ARID1A: variants seen among roughly 807,000 people sequenced by gnomAD.
ARID1A encodes AT-rich interactive domain-containing protein 1A.
A neutral mutation model predicts 212.6 loss-of-function variants in ARID1A; 20 were observed. The ratio of observed to expected loss-of-function variants is 0.09; its 90% CI spans 0.07 to 0.14. ARID1A has a LOEUF of 0.14. ARID1A is among the 10% of genes least tolerant of loss of function. The probability of loss-of-function intolerance (pLI) is 1.00; values close to 1 mark genes in which losing one functional copy is unlikely to be tolerated. For missense variants in ARID1A, 2,587 were observed against 3,059.0 expected (o/e 0.85, Z 3.64); for synonymous variants, 1,376 against 1,222.1 (o/e 1.13, Z -2.63).
intron 1 of ARID1A, among the ~76,000 whole-genome samples, chr1:26,698,400 C>T (rs1244772305): frequency 6.6e-6 from 1 of 152,202 alleles, no homozygotes; most frequent in South Asian, 2.1e-4. Context: ...ATAACCCAAA[C>T]TATCGCTGCC....
intron 8 of ARID1A, 23 bp downstream of exon 8, chr1:26,763,308 G>T (rs2124070918): frequency 6.4e-7 from 1 of 1,564,460 alleles, no homozygotes; most frequent in South Asian, 1.2e-5. Flanking sequence ...AAGCAGAGAG[G>T]GTGTCAGTGC....
chr1:26,722,343 T>C (rs1478478393), intron 1 of ARID1A, among the ~76,000 whole-genome samples: 1 of 152,118 alleles, frequency 6.6e-6, no homozygotes, highest in Non-Finnish European at 1.5e-5. Flanking sequence ...CCTCCCAGGT[T>C]CAAGCGATTC....
intron 4 of ARID1A, among the ~76,000 whole-genome samples, chr1:26,757,581 G>A (rs745751615): frequency 3.3e-5 from 5 of 152,136 alleles, no homozygotes; most frequent in South Asian, 2.1e-4. Context: ...CTTTGGTGTC[G>A]GAGACTTTGG....
intron 4 of ARID1A, among the ~76,000 whole-genome samples, chr1:26,749,433 A>G (rs1194626348): frequency 1.3e-5 from 2 of 152,118 alleles, no homozygotes; most frequent in African/African-American, 4.8e-5. Flanking sequence ...ACTCGATGTG[A>G]TTAAACCTCC....
Position 26,696,794 on chromosome 1 carries a change from G to T in ARID1A, c.391G>T (p.Gly131Trp), listed in dbSNP as rs1271721560. The T allele has an allele frequency of 7.5e-7, 1 of 1,335,874 alleles. No individual in the cohort carries two copies. The highest frequency in any genetic ancestry group is 9.5e-7 in the Non-Finnish European group (1 of 1,047,668). 82.8% of individuals were successfully genotyped at this position (1,335,874 alleles called of 1,614,324 possible). ...CGGCGGCGGTGGCGGCAGCAGCGATGGGGTGGGGGCGCCTCCTCACTCAGC... is the reference window on the plus strand; with the variant it reads ...CGGCGGCGGTGGCGGCAGCAGCGATTGGGTGGGGGCGCCTCCTCACTCAGC... Reference protein sequence around the residue: ...PGGGGGGSSDGVGAPPHSAAA... With the variant: ...PGGGGGGSSDWVGAPPHSAAA... Residue 131 changes from glycine to tryptophan, a missense_variant, in exon 1 of 20, where the codon GGG becomes TGG. By Grantham distance (184) the Gly-to-Trp change is radical (BLOSUM62 -2). Around this residue, in one of 11 missense-constraint regions of ARID1A, gnomAD observed 735 missense variants for 590.6 expected, o/e 1.24. Transcript: ENST00000324856.
intron 4 of ARID1A, among the ~76,000 whole-genome samples, chr1:26,736,922 A>C (rs1202913597): frequency 1.3e-5 from 2 of 150,564 alleles, no homozygotes; most frequent in Non-Finnish European, 3.0e-5. Flanking sequence ...AAAAAAAAAA[A>C]CCCTGCACAA....
intron 4 of ARID1A, among the ~76,000 whole-genome samples, chr1:26,752,503 G>A (rs1181537323): frequency 1.3e-5 from 2 of 152,232 alleles, no homozygotes; most frequent in Non-Finnish European, 2.9e-5. Context: ...CCCTCAACAA[G>A]TTGTTGCTTA....
rs2124142567 is a variant in ARID1A at position 26,779,660 on chromosome 1, C to T, written c.5762C>T (p.Thr1921Ile). The T allele has an allele frequency of 6.2e-7, 1 of 1,614,118 alleles. No individual in the cohort carries two copies. The highest frequency in any genetic ancestry group is 8.5e-7 in the Non-Finnish European group (1 of 1,180,024). The change falls in exon 20 of 20, where the codon ACC (threonine) becomes ATC (isoleucine). Residue 1921 changes from threonine to isoleucine, a missense_variant. By Grantham distance (89) the Thr-to-Ile change is moderately conservative. This residue lies in a region of ARID1A where 890 missense variants were observed against 1,098.2 expected (regional missense o/e 0.81). Coordinates refer to ENST00000324856, the MANE Select transcript of ARID1A (RefSeq NM_006015.6). ...MDDMLSTRSS[T>I]LTEDGAKSSE... ...GACATGTTGTCTACTCGGTCTAGCA[C>T]CTTGACCGAGGATGGAGCTAAGAGT...
Position 26,781,448 on chromosome 1 carries a change from A to G in ARID1A, c.*692A>G. 4.3e-6 allele frequency: 1 copy of G among 233,504 alleles called. No homozygotes were observed. 14.5% of individuals were successfully genotyped at this position (233,504 alleles called of 1,614,324 possible). On this transcript the variant is annotated 3_prime_UTR_variant, in exon 20 of 20. Coordinates refer to ENST00000324856, the MANE Select transcript of ARID1A (RefSeq NM_006015.6). ...TAGTTTTTAAAAATGTTTTTAGTTA[A>G]ACGTTGAGGAGAAAAAAAAAAAAGG...
chr1:26,717,509 A>C (rs947740831), intron 1 of ARID1A, among the ~76,000 whole-genome samples: 1 of 152,236 alleles, frequency 6.6e-6, no homozygotes, highest in Non-Finnish European at 1.5e-5. Flanking sequence ...ATTGTCAGTT[A>C]ACCTCTAGTT....
chr1:26,758,093 G>A (rs1035226690), intron 4 of ARID1A, among the ~76,000 whole-genome samples: 1 of 152,194 alleles, frequency 6.6e-6, no homozygotes, highest in Non-Finnish European at 1.5e-5. Context: ...AATGGAGACT[G>A]TAGGAAGGAG....
chr1:26,740,993 C>T (rs1314011021), intron 4 of ARID1A, among the ~76,000 whole-genome samples: 1 of 152,152 alleles, frequency 6.6e-6, no homozygotes, highest in Non-Finnish European at 1.5e-5. Context: ...AGTAAGATTT[C>T]TGAAAACAAA....
chr1:26,697,729 C>G (rs929131407), intron 1 of ARID1A, among the ~76,000 whole-genome samples, 189 bp downstream of exon 1: 2 of 151,730 alleles, frequency 1.3e-5, no homozygotes, highest in African/African-American at 4.8e-5. Flanking sequence ...CTCCTTCAGC[C>G]TTTGTGTTGG....
chr1:26,780,542 T>G lies in ARID1A; in HGVS notation c.6644T>G (p.Leu2215Arg), dbSNP rs772207194. ...ATQFQQSQAS[L>R]LHMQNPPFEP... ...CAGTTCCAGCAGAGCCAGGCCAGCC[T>G]CCTCCACATGCAGAACCCACCCTTT... The change falls in exon 20 of 20, where the codon CTC (leucine) becomes CGC (arginine). Residue 2215 changes from leucine to arginine, a missense_variant. This residue lies in a region of ARID1A where 24 missense variants were observed against 16.5 expected (regional missense o/e 1.46). Transcript: ENST00000324856. The surrounding 1 kb of genome is among the most constrained non-coding windows in gnomAD (Gnocchi z 7.2). The G allele has an allele frequency of 5.0e-6, 8 of 1,614,006 alleles. No individual in the cohort carries two copies. Among genetic ancestry groups the G allele is most frequent in the African/African-American group, 4.0e-5 (3 of 74,926 alleles).
intron 1 of ARID1A, among the ~76,000 whole-genome samples, chr1:26,701,439 T>C (rs2080331139): frequency 6.6e-6 from 1 of 152,182 alleles, no homozygotes; most frequent in Non-Finnish European, 1.5e-5. Context: ...TTATTACTGA[T>C]GCATACTTGA....
Position 26,779,538 on chromosome 1 carries a change from G to T in ARID1A, c.5640G>T (p.Lys1880Asn). The change falls in exon 20 of 20, where the codon AAG becomes AAT. Residue 1880 changes from lysine (K) to asparagine (N), a missense_variant. Coordinates refer to ENST00000324856, the MANE Select transcript of ARID1A (RefSeq NM_006015.6). ...PHAPCPPAPRKHVTTAEGTPG... is the reference protein window; with the variant it reads ...PHAPCPPAPRNHVTTAEGTPG... ...CACCCTGCCCACCAGCCCCTCGGAA[G>T]CATGTGACAACAGCAGAGGGTACAC... is the stretch of plus-strand genomic sequence containing the variant. 1 of 1,614,154 alleles carries T rather than the reference G, an allele frequency of 6.2e-7. No homozygotes were observed. The highest frequency in any genetic ancestry group is 8.5e-7 in the Non-Finnish European group (1 of 1,180,028).
chr1:26,750,100 C>T (rs1258826938), intron 4 of ARID1A, among the ~76,000 whole-genome samples: 1 of 152,200 alleles, frequency 6.6e-6, no homozygotes, highest in Non-Finnish European at 1.5e-5. Context: ...GCGGATAGAA[C>T]ACAGTGCCAT....
At chr1:26,778,396 TTTC>T (rs1294705863) in intron 19 of ARID1A, 7 of 152,178 alleles carry the variant, frequency 4.6e-5, no homozygotes, top group Admixed American at 3.9e-4. Context: ...AGAGGAGTGT[TTTC>T]TTCTAGAGGT....
At chr1:26,703,060 G>C (rs6666121) in intron 1 of ARID1A, among the ~76,000 whole-genome samples, 1 of 151,970 alleles carries the variant, frequency 6.6e-6, no homozygotes, top group African/African-American at 2.4e-5. Context: ...CTGTTGTGCT[G>C]GGGATTATAA....
Sources: gnomAD v4.1 joint callset for allele counts (sites outside exome capture counted in the v4.1 genomes callset) on GRCh38, gnomAD v4.1.1 for gene constraint, gnomAD v4.1.1 regional missense constraint, Gnocchi (gnomAD v3.1) non-coding constraint, MANE v1.5 for transcripts, NCBI Gene and HGNC (gene_info 2026-07-23, HGNC 2026-07-21) for gene names.